The following ACOXL variants were observed in gnomAD, a reference collection of about 807,000 sequenced individuals.
The protein encoded by ACOXL is acyl-coenzyme A oxidase-like protein.
Under a neutral mutation model 71.9 loss-of-function variants are expected in ACOXL, and 70 were observed. The observed-to-expected ratio is 0.97, with a 90% CI of 0.80 to 1.19. ACOXL has a LOEUF of 1.19. Among genes scored for constraint, ACOXL ranks in the 50% most tolerant of loss-of-function variants. ACOXL has a pLI of 0.00. For synonymous variants in ACOXL, 253 were observed against 281.6 expected (o/e 0.90, Z 1.02); for missense variants, 703 against 736.3 (o/e 0.95, Z 0.52).
intron 16 of ACOXL, among the ~76,000 whole-genome samples, chr2:111,056,612 C>T (rs2066553202): frequency 6.6e-6 from 1 of 151,888 alleles, no homozygotes; most frequent in African/African-American, 2.4e-5. Flanking sequence ...CACGGTGAAA[C>T]CCCATCTCTA....
At chr2:110,937,462 A>G (rs2060707690) in intron 12 of ACOXL, among the ~76,000 whole-genome samples, 1 of 152,236 alleles carries the variant, frequency 6.6e-6, no homozygotes, top group African/African-American at 2.4e-5. Flanking sequence ...TTCTTATTAG[A>G]TCACAGTATC....
intron 12 of ACOXL, among the ~76,000 whole-genome samples, chr2:110,954,629 A>G (rs2061433806): frequency 6.6e-6 from 1 of 152,182 alleles, no homozygotes; most frequent in Non-Finnish European, 1.5e-5. Flanking sequence ...CACCCTCTAA[A>G]CTATTGTTGT....
At chr2:111,117,569 G>T in intron 17 of ACOXL, 47 bp from the exon 18 acceptor site, 10 of 1,543,314 alleles carry the variant, frequency 6.5e-6, no homozygotes, top group Non-Finnish European at 8.8e-6. Flanking sequence ...CTAGATGGCT[G>T]TAAGTGTGCC....
intron 16 of ACOXL, among the ~76,000 whole-genome samples, chr2:111,064,447 A>AC (rs1297375940): frequency 9.7e-5 from 14 of 144,630 alleles, no homozygotes; most frequent in Non-Finnish European, 1.8e-4. Flanking sequence ...AAAAAAAAAC[A>AC]AAAAAAAAAC....
rs113007996 is a variant in ACOXL at position 110,793,438 on chromosome 2, A to G, written c.160-212A>G. Among the ~76,000 whole-genome samples, 57 of 152,310 alleles carry G rather than the reference A, an allele frequency of 3.7e-4. 1 individual carries two copies. Among genetic ancestry groups the G allele is most frequent in the African/African-American group, 1.3e-3 (53 of 41,564 alleles). On this transcript the variant is annotated intron_variant, in intron 3 of 17. Transcript: ENST00000439055. ...GGATGGAGGATTGACTTTCTGTGTCAGTCCTGAGCGACTCATGAGCCATGT... is the reference window on the plus strand; with the variant it reads ...GGATGGAGGATTGACTTTCTGTGTCGGTCCTGAGCGACTCATGAGCCATGT...
chr2:110,761,284 A>G (rs2104909653), intron 1 of ACOXL, among the ~76,000 whole-genome samples: 1 of 152,268 alleles, frequency 6.6e-6, no homozygotes, highest in Non-Finnish European at 1.5e-5. Flanking sequence ...CAGCTGCTGT[A>G]GCAATTGCTG....
chr2:111,100,676 T>C (rs1454859409), intron 17 of ACOXL: 2 of 153,136 alleles, frequency 1.3e-5, no homozygotes, highest in Non-Finnish European at 2.9e-5. Context: ...GGTGTCCCCC[T>C]GATTTGCTAG....
intron 12 of ACOXL, among the ~76,000 whole-genome samples, chr2:110,965,922 G>T (rs1047737023): frequency 1.3e-5 from 2 of 152,268 alleles, no homozygotes; most frequent in East Asian, 3.9e-4. Flanking sequence ...ATATGCTCCA[G>T]GAGACACCTA....
At chr2:110,971,709 G>C (rs1266989759) in intron 12 of ACOXL, among the ~76,000 whole-genome samples, 3 of 152,204 alleles carry the variant, frequency 2.0e-5, no homozygotes, top group Non-Finnish European at 1.5e-5. Flanking sequence ...ATATCTATAG[G>C]AGAGTAGATT....
At chr2:110,858,859 C>T (rs901773107) in intron 10 of ACOXL, among the ~76,000 whole-genome samples, 28 of 152,252 alleles carry the variant, frequency 1.8e-4, no homozygotes, top group African/African-American at 6.3e-4. Flanking sequence ...AAAGACCCCT[C>T]TTCCTCTGTG....
chr2:111,031,733 A>C lies in ACOXL; in HGVS notation c.1369+19A>C. The C allele has an allele frequency of 6.2e-7, 1 of 1,612,708 alleles. No individual in the cohort carries two copies. The highest frequency in any genetic ancestry group is 1.3e-5 in the African/African-American group (1 of 74,972). Reference sequence around the variant, plus strand: ...CACCGAGGTCAGTTGGCTCCTGTTGAATATTTGTAATTGAGTGACTCAGGG... The same window carrying C: ...CACCGAGGTCAGTTGGCTCCTGTTGCATATTTGTAATTGAGTGACTCAGGG... On this transcript the variant is annotated intron_variant, in intron 15 of 17. Transcript: ENST00000439055.
intron 11 of ACOXL, among the ~76,000 whole-genome samples, chr2:110,926,807 G>T (rs994315273): frequency 6.6e-6 from 1 of 151,950 alleles, no homozygotes; most frequent in Non-Finnish European, 1.5e-5. Flanking sequence ...GACCATCCCT[G>T]GTTGCACACT....
chr2:111,083,390 C>T (rs1462089784), intron 16 of ACOXL, among the ~76,000 whole-genome samples: 3 of 151,986 alleles, frequency 2.0e-5, no homozygotes, highest in African/African-American at 7.3e-5. Context: ...AGATTAAAAT[C>T]AGCAAAGGGA....
chr2:110,915,938 C>G (rs1232574832), intron 11 of ACOXL, among the ~76,000 whole-genome samples: 2 of 151,972 alleles, frequency 1.3e-5, no homozygotes, highest in African/African-American at 4.8e-5. Context: ...TAAGATTGCT[C>G]TTATTTCTTC....
chr2:110,889,280 C>T (rs1697669801), intron 10 of ACOXL, among the ~76,000 whole-genome samples: 1 of 151,548 alleles, frequency 6.6e-6, no homozygotes, highest in Non-Finnish European at 1.5e-5. Context: ...AATTCAAGAG[C>T]CCATGGTGAA....
At chr2:111,002,504 G>A (rs1157455) in intron 14 of ACOXL, among the ~76,000 whole-genome samples, 136,703 of 152,236 alleles carry the variant, frequency 0.9, 61,641 homozygotes, top group African/African-American at 0.97. Flanking sequence ...TGATGCTTCT[G>A]TGTTTTTAGT....
At chr2:111,019,956 G>T (rs1376797080) in intron 14 of ACOXL, among the ~76,000 whole-genome samples, 1 of 152,132 alleles carries the variant, frequency 6.6e-6, no homozygotes, top group Non-Finnish European at 1.5e-5. Flanking sequence ...TACCTCTCCG[G>T]TTCAAGCGAT....
At chr2:110,816,004 A>G (rs985749077) in intron 9 of ACOXL, among the ~76,000 whole-genome samples, 2 of 152,014 alleles carry the variant, frequency 1.3e-5, no homozygotes, top group Admixed American at 1.3e-4. Flanking sequence ...TGGATGGAAA[A>G]ATGCATGTAT....
At chr2:111,047,112 G>A (rs2066053975) in intron 15 of ACOXL, among the ~76,000 whole-genome samples, 2 of 152,244 alleles carry the variant, frequency 1.3e-5, no homozygotes, top group Admixed American at 1.3e-4. Context: ...CAGTGGCCTG[G>A]TGGCTGGAGG....
Sources: allele counts gnomAD v4.1 joint callset (sites outside exome capture counted in the v4.1 genomes callset), GRCh38; gene constraint gnomAD v4.1.1; transcripts MANE v1.5; gene names NCBI Gene and HGNC (gene_info 2026-07-23, HGNC 2026-07-21).